The following RRAGB variants were observed in gnomAD, a reference collection of about 807,000 sequenced individuals.
RRAGB encodes Ras related GTP binding B.
In RRAGB, 6 loss-of-function variants were observed where a neutral mutation model predicts 29.3. That is an observed-to-expected ratio of 0.21 (90% CI 0.11 to 0.40). The LOEUF is 0.40. Ranked by LOEUF, RRAGB falls within the 10% of genes least tolerant of loss-of-function variation. RRAGB has a pLI of 1.00. For synonymous variants in RRAGB, 101 were observed against 92.5 expected (o/e 1.09, Z -0.53); for missense variants, 184 against 272.9 (o/e 0.67, Z 2.29).
chrX:55,740,603 A>G (rs1043814002), intron 5 of RRAGB, among the ~76,000 whole-genome samples: 2 of 111,577 alleles, frequency 1.8e-5, no homozygotes, highest in Non-Finnish European at 3.8e-5. Flanking sequence ...GGTAAGGTGA[A>G]TATGGTGGAT....
intron 5 of RRAGB, among the ~76,000 whole-genome samples, chrX:55,747,993 G>C (rs1053637528): frequency 2.3e-4 from 26 of 112,322 alleles, no homozygotes; most frequent in Non-Finnish European, 4.3e-4. Flanking sequence ...TCAGCCTGCC[G>C]AGTGCCTGCC....
chrX:55,737,191 C>T (rs1485655038), intron 5 of RRAGB, among the ~76,000 whole-genome samples: 1 of 112,199 alleles, frequency 8.9e-6, no homozygotes, highest in African/African-American at 3.2e-5. Flanking sequence ...CTCTCCCAGG[C>T]CAGCAGGAAA....
At chrX:55,754,954 C>A in intron 7 of RRAGB, 1 of 279,152 alleles carries the variant, frequency 3.6e-6, no homozygotes, top group Non-Finnish European at 4.9e-6. Flanking sequence ...AGGACCGAAA[C>A]CTGCTTCAGC....
At chrX:55,731,047 T>C (rs1436551716) in intron 4 of RRAGB, among the ~76,000 whole-genome samples, 1 of 110,545 alleles carries the variant, frequency 9.0e-6, no homozygotes, top group East Asian at 2.8e-4. Context: ...ACTTGAGGAA[T>C]TGAGAAAAAG....
chrX:55,718,566 CA>C, intron 1 of RRAGB, 147 bp downstream of exon 1: 1 of 415,439 alleles, frequency 2.4e-6, no homozygotes. Flanking sequence ...CTTTGGACGA[CA>C]GGATAAACTG....
chrX:55,741,804 C>T (rs1435854339), intron 5 of RRAGB, among the ~76,000 whole-genome samples: 2 of 112,024 alleles, frequency 1.8e-5, no homozygotes, highest in African/African-American at 6.5e-5. Flanking sequence ...CTGAAAACTA[C>T]CTTCACAGTG....
intron 5 of RRAGB, 149 bp downstream of exon 5, chrX:55,731,735 A>G: frequency 2.4e-6 from 1 of 422,247 alleles, no homozygotes. Context: ...CTTTAACTAA[A>G]CACTCTTTTA....
intron 5 of RRAGB, among the ~76,000 whole-genome samples, chrX:55,744,883 T>G (rs1272819689): frequency 8.9e-6 from 1 of 111,830 alleles, no homozygotes; most frequent in African/African-American, 3.3e-5. Context: ...AACTGTCAGG[T>G]TTTTGGGTCA....
At chrX:55,727,145 A>G (rs191872480) in intron 3 of RRAGB, among the ~76,000 whole-genome samples, 1 of 111,713 alleles carries the variant, frequency 9.0e-6, no homozygotes, top group Non-Finnish European at 1.9e-5. Flanking sequence ...GGATTTGGTT[A>G]TGGGGCCATT....
At chrX:55,742,571 T>G (rs1008648259) in intron 5 of RRAGB, among the ~76,000 whole-genome samples, 6 of 112,397 alleles carry the variant, frequency 5.3e-5, no homozygotes, top group Non-Finnish European at 1.1e-4. Context: ...CTTTGCCTGT[T>G]GATTCAGAGG....
intron 7 of RRAGB, chrX:55,755,063 T>A: frequency 2.7e-6 from 2 of 752,523 alleles, no homozygotes; most frequent in Non-Finnish European, 3.1e-6. Flanking sequence ...TTTGTTTCTC[T>A]TGAGACCAAG....
chrX:55,737,346 G>A (rs779489481), intron 5 of RRAGB, among the ~76,000 whole-genome samples: 2 of 112,600 alleles, frequency 1.8e-5, no homozygotes, highest in African/African-American at 6.4e-5. Context: ...AACCCAGAGG[G>A]CACTCCTCCT....
intron 5 of RRAGB, among the ~76,000 whole-genome samples, chrX:55,745,767 A>T (rs140962709): frequency 2.7e-5 from 3 of 112,312 alleles, no homozygotes; most frequent in Non-Finnish European, 5.6e-5. Context: ...CAAGAGACCA[A>T]TGAGGGATTC....
intron 4 of RRAGB, among the ~76,000 whole-genome samples, chrX:55,731,014 A>G (rs2033660431): frequency 9.0e-6 from 1 of 110,998 alleles, no homozygotes; most frequent in Admixed American, 9.6e-5. Flanking sequence ...TGTAAAGGCC[A>G]CATAGTGGAT....
chrX:55,727,914 G>T (rs1905866124), intron 3 of RRAGB, among the ~76,000 whole-genome samples: 2 of 111,436 alleles, frequency 1.8e-5, no homozygotes, highest in South Asian at 7.6e-4. Context: ...GTGTTTGAAT[G>T]AATTCAGAGG....
intron 6 of RRAGB, chrX:55,752,470 A>C: frequency 2.7e-6 from 1 of 374,843 alleles, no homozygotes; most frequent in Non-Finnish European, 3.4e-6. Flanking sequence ...CTAAGTAATA[A>C]AACTAATTGG....
At position 55,753,316 on chromosome X, in the gene RRAGB, T is replaced by C; in HGVS notation, c.613-76T>C. The C allele has an allele frequency of 6.4e-6, 6 of 930,849 alleles. No individual in the cohort carries two copies. In the Admixed American group the frequency reaches 1.2e-4, roughly 19 times the overall value. The allele number at this position is 930,849 out of a possible 1,213,427, so 76.7% of individuals were successfully genotyped here. ...ATCATATTTTGCTGTCCACATATTA[T>C]AGTGTACTTACTAATTTCAAAGGTC... is the stretch of plus-strand genomic sequence containing the variant. On this transcript the variant is annotated intron_variant, in intron 6 of 9. Coordinates refer to ENST00000374941, the MANE Select transcript of RRAGB (RefSeq NM_006064.5).
At chrX:55,733,918 A>C (rs1040050508) in intron 5 of RRAGB, among the ~76,000 whole-genome samples, 5 of 94,137 alleles carry the variant, frequency 5.3e-5, no homozygotes, top group Non-Finnish European at 1.1e-4. Context: ...CTATGAATCT[A>C]TCTGGTCCTG....
At chrX:55,729,169 CTTG>C in intron 3 of RRAGB, 122 bp from the exon 4 acceptor site, 2 of 478,730 alleles carry the variant, frequency 4.2e-6, no homozygotes, top group Non-Finnish European at 7.3e-6. Context: ...AAATCACCTT[CTTG>C]TTGTGGCTTT....
Sources: gnomAD v4.1 joint callset for allele counts (sites outside exome capture counted in the v4.1 genomes callset) on GRCh38, gnomAD v4.1.1 for gene constraint, MANE v1.5 for transcripts, NCBI Gene and HGNC (gene_info 2026-07-23, HGNC 2026-07-21) for gene names.